CLPTM1L: variants seen among roughly 807,000 people sequenced by gnomAD.
CLPTM1L encodes CLPTM1 like.
In CLPTM1L, 38 loss-of-function variants were observed where a neutral mutation model predicts 70.9. The observed-to-expected ratio is 0.54, with a 90% confidence interval of 0.41 to 0.70. CLPTM1L has a LOEUF of 0.70. Ranked by LOEUF, CLPTM1L falls within the 30% of genes least tolerant of loss-of-function variation. The pLI, the probability that CLPTM1L is intolerant of heterozygous loss-of-function variation, is 0.00. For missense variants in CLPTM1L, 652 were observed against 705.9 expected, an observed-to-expected ratio of 0.92 and a Z score of 0.87; for synonymous variants, 339 against 299.9, an observed-to-expected ratio of 1.13 and a Z score of -1.35.
Position 1,329,453 on chromosome 5 carries a change from ACTGCTTGGTGGACAGGGCCTCAGGACTCT to A in CLPTM1L, c.1080+798_1080+826del, listed in dbSNP as rs1561238498. 2.5e-3 allele frequency among the ~76,000 whole-genome samples: 328 copies of A among 130,496 alleles called. 5 individuals are homozygous for A. The highest frequency in any genetic ancestry group is 8.8e-3 in the African/African-American group (299 of 34,010). 85.6% of individuals were successfully genotyped at this position (130,496 alleles called of 152,430 possible). On this transcript the variant is annotated intron_variant, in intron 9 of 16. Coordinates refer to ENST00000320895, the MANE Select transcript of CLPTM1L (RefSeq NM_030782.5). ...GGTGGACAGGGCCTCAGGACTCACCACTGCTTGGTGGACAGGGCCTCAGGACTCTCTGCTTGGTGGACAGAGCCTCAGGA... is the reference window on the plus strand; with the variant it reads ...GGTGGACAGGGCCTCAGGACTCACCACTGCTTGGTGGACAGAGCCTCAGGA...
intron 15 of CLPTM1L, 128 bp from the exon 16 acceptor site, chr5:1,320,859 C>G: frequency 1.8e-6 from 1 of 560,328 alleles, no homozygotes; most frequent in South Asian, 2.4e-5. Flanking sequence ...CTCACAGCAA[C>G]AACAAAAAGA....
At chr5:1,331,736 C>A in intron 8 of CLPTM1L, 63 bp downstream of exon 8, 2 of 1,418,736 alleles carry the variant, frequency 1.4e-6, no homozygotes, top group Non-Finnish European at 2.0e-6. Flanking sequence ...AGCCCTCTAC[C>A]GCAGGCTCCA....
chr5:1,331,552 C>T (rs1561241161), intron 8 of CLPTM1L: 6 of 575,526 alleles, frequency 1.0e-5, no homozygotes, highest in African/African-American at 5.6e-5. Flanking sequence ...CGCCAGAGTC[C>T]GCAGCCAGGC....
chr5:1,327,337 A>AG (rs1752666380), intron 9 of CLPTM1L, among the ~76,000 whole-genome samples: 2 of 147,394 alleles, frequency 1.4e-5, no homozygotes, highest in Admixed American at 1.3e-4. Flanking sequence ...CCTCCTCTAC[A>AG]GACACATTCC....
chr5:1,327,044 TACAGGGACATTCCACCCAGCTCCTCCTCG>T (rs1752635211), intron 9 of CLPTM1L, among the ~76,000 whole-genome samples: 10 of 146,190 alleles, frequency 6.8e-5, no homozygotes, highest in African/African-American at 1.8e-4. Flanking sequence ...GCTCCTCCTC[TACAGGGACATTCCACCCAGCTCCTCCTCG>T]ACAGGGACAT....
In CLPTM1L at chr5:1,326,781, T is replaced by C. The variant is rs139136963; in HGVS notation, c.1081-965A>G. 7.6e-3 allele frequency among the ~76,000 whole-genome samples: 1,127 copies of C among 149,180 alleles called. 9 individuals carry two copies. The highest frequency in any genetic ancestry group is 0.011 in the Non-Finnish European group (728 of 67,374). On this transcript the variant is annotated intron_variant, in intron 9 of 16. Transcript: ENST00000320895. ...CAGGGACAATCCATCCAGCTCCTCC[T>C]CTACAGGGACATTTCATCCAGCTCC...
At chr5:1,328,442 G>C (rs1752794883) in intron 9 of CLPTM1L, among the ~76,000 whole-genome samples, 1 of 147,028 alleles carries the variant, frequency 6.8e-6, no homozygotes, top group Non-Finnish European at 1.5e-5. Context: ...CTCCTCTACA[G>C]ACACATTTCA....
intron 5 of CLPTM1L, among the ~76,000 whole-genome samples, chr5:1,337,165 T>A (rs1029217008): frequency 6.6e-6 from 1 of 152,226 alleles, no homozygotes; most frequent in African/African-American, 2.4e-5. Context: ...GAACCCCAAA[T>A]AACCTCATCC....
intron 9 of CLPTM1L, chr5:1,326,283 G>A: frequency 4.0e-6 from 1 of 251,548 alleles, no homozygotes; most frequent in South Asian, 4.9e-5. Context: ...CCTGCCTGTG[G>A]AGCTCCAGCG....
Position 1,320,642 on chromosome 5 carries a change from C to T in CLPTM1L, c.1506G>A (p.Val502=), listed in dbSNP as rs140841923. 350 of 1,545,444 alleles carry T rather than the reference C, an allele frequency of 2.3e-4. No individual in the cohort carries two copies. The Middle Eastern group carries it at 5.1e-3, about 23-fold the overall frequency. Residue 502 remains valine (V), a synonymous_variant, in exon 16 of 17, where the codon GTG becomes GTA. Transcript: ENST00000320895. ...ACCGCTGGTACAGGTAGACCAGAAA[C>T]ACCACGTCGTCCCGGAAGCAGGCCA... ...HRLACFRDDV[V]FLVYLYQRWL...
chr5:1,328,850 C>G (rs1254689101), intron 9 of CLPTM1L, among the ~76,000 whole-genome samples: 25 of 150,048 alleles, frequency 1.7e-4, no homozygotes, highest in South Asian at 1.0e-3. Context: ...CCTCTACAGA[C>G]ACATTTCATC....
At chr5:1,334,147 C>T (rs1299502470) in intron 7 of CLPTM1L, 142 bp downstream of exon 7, 10 of 581,610 alleles carry the variant, frequency 1.7e-5, no homozygotes, top group Non-Finnish European at 1.8e-5. Context: ...GGCGTGCTGG[C>T]TGCTGAGTGA....
chr5:1,342,039 T>TGCAC lies in CLPTM1L; in HGVS notation c.264-183_264-180dup, dbSNP rs1553974563. Among the ~76,000 whole-genome samples the TGCAC allele has an allele frequency of 6.7e-6, 1 of 148,976 alleles. No homozygotes were observed. The highest frequency in any genetic ancestry group is 2.0e-4 in the East Asian group (1 of 5,124). On this transcript the variant is annotated intron_variant, in intron 2 of 16. Coordinates refer to ENST00000320895, the MANE Select transcript of CLPTM1L (RefSeq NM_030782.5). The surrounding 1 kb of genome is among the most constrained non-coding windows in gnomAD (Gnocchi z 4.3). ...GTGTGTGTGTGTGTGTGTGTGTGTG[T>TGCAC]GCACGCGCACGCGTGCGCGTCCTGA...
intron 3 of CLPTM1L, among the ~76,000 whole-genome samples, chr5:1,340,777 CT>C (rs1560871512): frequency 6.6e-6 from 1 of 152,188 alleles, no homozygotes; most frequent in Non-Finnish European, 1.5e-5. Context: ...AAGCTGCCAT[CT>C]TTCTTGTTTT....
In CLPTM1L at chr5:1,325,858, G is replaced by A. The variant is rs374731498; in HGVS notation, c.1081-42C>T. On this transcript the variant is annotated intron_variant, in intron 9 of 16. Coordinates refer to ENST00000320895, the MANE Select transcript of CLPTM1L (RefSeq NM_030782.5). Reference sequence around the variant, plus strand: ...GGAAATAGTTCCTTTAATATTCGAAGGCCAGGAGCCACGAATGAACGACCC... The same window carrying A: ...GGAAATAGTTCCTTTAATATTCGAAAGCCAGGAGCCACGAATGAACGACCC... The A allele has an allele frequency of 6.3e-6, 10 of 1,574,918 alleles. No individual in the cohort carries two copies. In the African/African-American group the frequency reaches 1.2e-4, roughly 19 times the overall value.
chr5:1,330,054 G>A (rs540694298), intron 9 of CLPTM1L, among the ~76,000 whole-genome samples: 1 of 152,128 alleles, frequency 6.6e-6, no homozygotes, highest in African/African-American at 2.4e-5. Flanking sequence ...TTGGTGGACA[G>A]AGCCTCATGA....
At chr5:1,319,273 G>A (rs758366068) in intron 16 of CLPTM1L, among the ~76,000 whole-genome samples, 1 of 149,962 alleles carries the variant, frequency 6.7e-6, no homozygotes, top group Non-Finnish European at 1.5e-5. Context: ...CCGTGTGAGT[G>A]TGAGTGTTGC....
At chr5:1,327,866 T>C (rs2111215588) in intron 9 of CLPTM1L, among the ~76,000 whole-genome samples, 1 of 138,850 alleles carries the variant, frequency 7.2e-6, no homozygotes, top group South Asian at 2.4e-4. Flanking sequence ...TACAGACACA[T>C]TTCATCCAGC....
intron 3 of CLPTM1L, among the ~76,000 whole-genome samples, chr5:1,339,732 G>C (rs1425523663): frequency 1.4e-5 from 1 of 69,926 alleles, no homozygotes; most frequent in Non-Finnish European, 2.7e-5. Flanking sequence ...CCTGTGAACA[G>C]ATGGCCACGC....
Sources: allele counts gnomAD v4.1 joint callset (sites outside exome capture counted in the v4.1 genomes callset), GRCh38; gene constraint gnomAD v4.1.1; non-coding constraint Gnocchi (gnomAD v3.1); transcripts MANE v1.5; gene names NCBI Gene and HGNC (gene_info 2026-07-23, HGNC 2026-07-21).